CEP290: variants seen among roughly 807,000 people sequenced by gnomAD.
CEP290 encodes centrosomal protein of 290 kDa.
A neutral mutation model predicts 344.9 loss-of-function variants in CEP290; 317 were observed. That is an observed-to-expected ratio of 0.92 (90% confidence interval 0.84 to 1.01). The LOEUF is 1.01. Among genes scored for constraint, CEP290 ranks in the 50% least tolerant of loss-of-function variants. The pLI, the probability that CEP290 is intolerant of heterozygous loss-of-function variation, is 0.00. For missense variants in CEP290, 2,754 were observed against 2,761.4 expected, an observed-to-expected ratio of 1.00 and a Z score of 0.06; for synonymous variants, 932 against 895.8, an observed-to-expected ratio of 1.04 and a Z score of -0.72.
chr12:88,070,946 G>A (rs571694720), intron 43 of CEP290, among the ~76,000 whole-genome samples: 36 of 152,188 alleles, frequency 2.4e-4, no homozygotes, highest in Non-Finnish European at 8.8e-5. Flanking sequence ...TACACAGGCA[G>A]GACAGATCTG....
intron 6 of CEP290, among the ~76,000 whole-genome samples, chr12:88,131,972 A>G (rs1274383614): frequency 6.6e-6 from 1 of 152,218 alleles, no homozygotes; most frequent in Non-Finnish European, 1.5e-5. Flanking sequence ...GCCTAGGTTT[A>G]TGTCCCTCAT....
rs1288619268 is a variant in CEP290, at chr12:88,136,698, CTA to C, written c.384_385del (p.Asp128GlufsTer17). 1.2e-6 allele frequency: 2 copies of C among 1,613,300 alleles called. No individual in the cohort carries two copies. The highest frequency in any genetic ancestry group is 1.1e-5 in the South Asian group (1 of 91,056). ...CTCCTTTTCCATGTCCTCCAATTCT[CTA>C]TCTTTTTGTTCTAATTGTTTTTCAA... On this transcript the variant is annotated frameshift_variant, in exon 6 of 54. Coordinates refer to ENST00000552810, the MANE Select transcript of CEP290 (RefSeq NM_025114.4). LOFTEE classifies it high-confidence loss of function.
At chr12:88,072,606 G>A (rs1350928455) in intron 41 of CEP290, among the ~76,000 whole-genome samples, 1 of 152,126 alleles carries the variant, frequency 6.6e-6, no homozygotes, top group Non-Finnish European at 1.5e-5. Flanking sequence ...CTTCTAACAA[G>A]AATCCTCTGT....
chr12:88,109,099 T>G lies in CEP290; in HGVS notation c.2450A>C (p.His817Pro), dbSNP rs1251392498. ...TTCTTTATACAACAAACTTTGTTGA[T>G]GACGAATTACAGCAAATTTTCTGTT... The part of the protein sequence containing the change: ...DYNRKFAVIR[H>P]QQSLLYKEYL... Residue 817 changes from histidine to proline, a missense_variant, in exon 23 of 54, where the codon CAT becomes CCT. By Grantham distance (77) the His-to-Pro change is moderately conservative (BLOSUM62 -2). Coordinates refer to ENST00000552810, the MANE Select transcript of CEP290 (RefSeq NM_025114.4). The G allele has an allele frequency of 6.9e-7, 1 of 1,442,802 alleles. No individual in the cohort carries two copies. The allele number at this position is 1,442,802 out of a possible 1,614,324, so 89.4% of individuals were successfully genotyped here. A position where few individuals can be genotyped will look rare whatever the true frequency, so the allele number is the denominator to read the frequency against.
At chr12:88,135,753 G>A (rs1440813640) in intron 6 of CEP290, 1 of 151,876 alleles carries the variant, frequency 6.6e-6, no homozygotes, top group Non-Finnish European at 1.5e-5. Flanking sequence ...AGAGAACAAT[G>A]GACAAAATAA....
At chr12:88,073,894 C>T in intron 41 of CEP290, among the ~76,000 whole-genome samples, 1 of 152,114 alleles carries the variant, frequency 6.6e-6, no homozygotes, top group East Asian at 1.9e-4. Context: ...CAATTTTTTA[C>T]CTTATTTAAT....
chr12:88,110,249 T>C (rs983019017), intron 22 of CEP290, among the ~76,000 whole-genome samples: 1 of 152,086 alleles, frequency 6.6e-6, no homozygotes, highest in African/African-American at 2.4e-5. Context: ...TCAAATAAAA[T>C]AATGAAAAGG....
intron 37 of CEP290, among the ~76,000 whole-genome samples, chr12:88,081,552 CTT>C (rs1192227309): frequency 2.6e-5 from 4 of 152,264 alleles, no homozygotes; most frequent in African/African-American, 9.6e-5. Context: ...AAATGTTACT[CTT>C]TGAGGCTTCT....
chr12:88,088,133 G>A (rs2036737099), intron 31 of CEP290, among the ~76,000 whole-genome samples, 189 bp from the exon 32 acceptor site: 1 of 151,910 alleles, frequency 6.6e-6, no homozygotes, highest in African/African-American at 2.4e-5. Flanking sequence ...ACAAATATGT[G>A]GGATTTTACA....
At position 88,102,921 on chromosome 12, in the gene CEP290, T is replaced by C. The variant is rs2038003729; in HGVS notation, c.2908A>G (p.Asn970Asp). Residue 970 changes from asparagine to aspartate, a missense_variant, in exon 26 of 54, where the codon AAT (asparagine) becomes GAT (aspartate). By Grantham distance (23) the Asn-to-Asp change is conservative. Coordinates refer to ENST00000552810, the MANE Select transcript of CEP290 (RefSeq NM_025114.4). Reference protein sequence around the residue: ...SELELANKQYNELTAKYRDIL... With the variant: ...SELELANKQYDELTAKYRDIL... ...TCCCTGTACTTAGCAGTCAGTTCAT[T>C]GTACTGTTTATTAGCCAGTTCTAGT... The C allele has an allele frequency of 6.2e-7, 1 of 1,608,110 alleles. No individual in the cohort carries two copies. The highest frequency in any genetic ancestry group is 2.2e-5 in the East Asian group (1 of 44,496).
rs146011532 is a variant in CEP290, at chr12:88,127,076, T to C, written c.943-638A>G. Reference sequence around the variant, plus strand: ...AAAACAAGTATACACTGCTAGAAAATAGATCAATCAATTCAATAAAAGATG... The same window carrying C: ...AAAACAAGTATACACTGCTAGAAAACAGATCAATCAATTCAATAAAAGATG... On this transcript the variant is annotated intron_variant, in intron 11 of 53. Coordinates refer to ENST00000552810, the MANE Select transcript of CEP290 (RefSeq NM_025114.4). Among the ~76,000 whole-genome samples the C allele has an allele frequency of 0.014, 67 of 4,678 alleles. 1 individual carries two copies. The East Asian group carries it at 0.44, about 31-fold the overall frequency. 3.1% of individuals were successfully genotyped at this position (4,678 alleles called of 152,430 possible).
intron 7 of CEP290, among the ~76,000 whole-genome samples, chr12:88,130,944 AG>A (rs2040030186): frequency 6.6e-6 from 1 of 152,110 alleles, no homozygotes; most frequent in Non-Finnish European, 1.5e-5. Context: ...CAACAAAAAA[AG>A]ATTTACCCGC....
chr12:88,097,263 A>C (rs1438950321), intron 26 of CEP290, among the ~76,000 whole-genome samples: 1 of 151,934 alleles, frequency 6.6e-6, no homozygotes, highest in African/African-American at 2.4e-5. Context: ...CATAATCCTC[A>C]TATGTCATGG....
chr12:88,063,214 T>C (rs181120563), intron 45 of CEP290, among the ~76,000 whole-genome samples: 6 of 146,006 alleles, frequency 4.1e-5, no homozygotes, highest in Admixed American at 4.1e-4. Flanking sequence ...ATAAATAAAG[T>C]GTGAGAAGCA....
At chr12:88,074,874 C>T (rs976662075) in intron 41 of CEP290, among the ~76,000 whole-genome samples, 2 of 152,170 alleles carry the variant, frequency 1.3e-5, no homozygotes, top group Non-Finnish European at 1.5e-5. Context: ...ATGGAAGGTC[C>T]ACACCCCTTC....
At chr12:88,140,519 GTATT>G (rs796711743) in intron 3 of CEP290, among the ~76,000 whole-genome samples, 11 of 152,232 alleles carry the variant, frequency 7.2e-5, no homozygotes, top group African/African-American at 2.6e-4. Context: ...CCTGTTCTCA[GTATT>G]TATTTATGGT....
intron 48 of CEP290, 51 bp downstream of exon 48, chr12:88,059,847 G>A: frequency 1.4e-6 from 2 of 1,449,114 alleles, no homozygotes; most frequent in East Asian, 2.4e-5. Flanking sequence ...TTTCCAAGAG[G>A]TATTAAGTAA....
chr12:88,096,981 T>C lies in CEP290; in HGVS notation c.3010A>G (p.Lys1004Glu), dbSNP rs2037478799. Residue 1004 changes from lysine to glutamate, a missense_variant, in exon 27 of 54, where the codon AAA becomes GAA. Transcript: ENST00000552810. ...EHLECENISL[K>E]EQVESINKEL... is the part of the protein sequence containing the mutation. ...TTATTTATAGACTCCACTTGTTCTT[T>C]TAAGGAGATGTTTTCACACTGAATA... The C allele has an allele frequency of 3.2e-6, 5 of 1,552,022 alleles. No individual in the cohort carries two copies. In the South Asian group the frequency reaches 3.6e-5, roughly 11 times the overall value.
intron 5 of CEP290, among the ~76,000 whole-genome samples, chr12:88,138,837 C>T (rs545109926): frequency 6.6e-6 from 1 of 152,258 alleles, no homozygotes; most frequent in Non-Finnish European, 1.5e-5. Context: ...TTCTATAACA[C>T]CCTTTCGTCA....
Sources: allele counts gnomAD v4.1 joint callset (sites outside exome capture counted in the v4.1 genomes callset), GRCh38; gene constraint gnomAD v4.1.1; transcripts MANE v1.5; gene names NCBI Gene and HGNC (gene_info 2026-07-23, HGNC 2026-07-21).